Variants in MGAT4C observed in about 807,000 individuals in gnomAD.
The protein encoded by MGAT4C is alpha-1,3-mannosyl-glycoprotein 4-beta-N-acetylglucosaminyltransferase C.
MGAT4C carries 19 observed loss-of-function variants against 40.1 expected under a neutral mutation model. The ratio of observed to expected loss-of-function variants is 0.47; its 90% CI spans 0.33 to 0.70. The LOEUF is 0.70. Among genes scored for constraint, MGAT4C ranks in the 30% least tolerant of loss-of-function variants. The pLI is 0.02. For synonymous variants in MGAT4C, 181 were observed against 187.1 expected (o/e 0.97, Z 0.27); for missense variants, 491 against 563.2 (o/e 0.87, Z 1.30).
At position 86,802,639 on chromosome 12, in the gene MGAT4C, A is replaced by T. The variant is rs1194893892; in HGVS notation, c.-262+36027T>A. Among the ~76,000 whole-genome samples, 12 of 151,578 alleles carry T rather than the reference A, an allele frequency of 7.9e-5. No individual in the cohort carries two copies. The South Asian group carries it at 2.3e-3, about 29-fold the overall frequency. ...CCAACAACAGACAAACAGAGAGCCA[A>T]ATCATGAGTGAACTCCCATTCACAA... On this transcript the variant is annotated intron_variant, in intron 1 of 7. Transcript: ENST00000548651.
intron 2 of MGAT4C, among the ~76,000 whole-genome samples, chr12:86,481,542 A>G (rs1340823377): frequency 1.3e-5 from 2 of 152,076 alleles, no homozygotes; most frequent in Non-Finnish European, 2.9e-5. Flanking sequence ...GAATCTTCAT[A>G]GCAGTATTAT....
intron 1 of MGAT4C, among the ~76,000 whole-genome samples, chr12:86,155,928 G>A (rs1038051181): frequency 1.3e-5 from 2 of 152,020 alleles, no homozygotes; most frequent in African/African-American, 2.4e-5. Context: ...CACATTTGCT[G>A]TTGCTATTGT....
At chr12:86,013,057 C>T (rs968687663) in intron 2 of MGAT4C, among the ~76,000 whole-genome samples, 2 of 151,934 alleles carry the variant, frequency 1.3e-5, no homozygotes, top group African/African-American at 2.4e-5. Context: ...ATTGCTTGAA[C>T]CCAGGCATTC....
intron 2 of MGAT4C, among the ~76,000 whole-genome samples, chr12:86,695,236 TA>T (rs374899504): frequency 1.3e-5 from 2 of 152,192 alleles, no homozygotes; most frequent in Non-Finnish European, 2.9e-5. Flanking sequence ...TCATCCCGGT[TA>T]AAATGGCTTT....
chr12:86,781,066 A>G (rs746599834), intron 1 of MGAT4C, among the ~76,000 whole-genome samples: 10 of 151,576 alleles, frequency 6.6e-5, no homozygotes, highest in African/African-American at 1.7e-4. Flanking sequence ...TTTTCTTATC[A>G]TCTGTTAATA....
chr12:86,437,010 G>A (rs1957149386), intron 2 of MGAT4C, among the ~76,000 whole-genome samples: 1 of 151,766 alleles, frequency 6.6e-6, no homozygotes, highest in South Asian at 2.1e-4. Context: ...AATTTTCGAT[G>A]TAGAAATGAA....
intron 4 of MGAT4C, among the ~76,000 whole-genome samples, chr12:86,307,567 A>C (rs1953967001): frequency 6.6e-6 from 1 of 150,484 alleles, no homozygotes. Flanking sequence ...TTCAGCAACA[A>C]TTTTATATTA....
intron 1 of MGAT4C, among the ~76,000 whole-genome samples, chr12:86,196,748 G>A (rs1037657954): frequency 6.6e-6 from 1 of 152,194 alleles, no homozygotes; most frequent in African/African-American, 2.4e-5. Flanking sequence ...AGAGATGGCT[G>A]ATTAAATCCA....
chr12:86,550,460 A>G (rs1959294669), intron 2 of MGAT4C, among the ~76,000 whole-genome samples: 2 of 151,954 alleles, frequency 1.3e-5, no homozygotes, highest in Non-Finnish European at 2.9e-5. Flanking sequence ...GACAATCTCC[A>G]CCCTTCATCT....
intron 1 of MGAT4C, among the ~76,000 whole-genome samples, chr12:86,171,148 G>T (rs188585019): frequency 1.3e-5 from 2 of 152,084 alleles, no homozygotes; most frequent in Non-Finnish European, 2.9e-5. Flanking sequence ...GAAGTGGGTG[G>T]ATCACGAGGT....
At chr12:86,483,464 A>C (rs1050776662) in intron 2 of MGAT4C, among the ~76,000 whole-genome samples, 1 of 152,114 alleles carries the variant, frequency 6.6e-6, no homozygotes, top group Non-Finnish European at 1.5e-5. Flanking sequence ...TATTGTTTCT[A>C]TTCTAAATAG....
chr12:86,504,845 C>T (rs903803839), intron 2 of MGAT4C, among the ~76,000 whole-genome samples: 28 of 152,162 alleles, frequency 1.8e-4, no homozygotes, highest in Non-Finnish European at 3.1e-4. Context: ...CATGTTGGTG[C>T]TCAATGTTGG....
At position 85,979,919 on chromosome 12, in the gene MGAT4C, G is replaced by A. The variant is rs267603706; in HGVS notation, c.807C>T (p.Leu269=). The change falls in exon 5 of 5, where the codon CTC becomes CTT. Residue 269 remains leucine, a synonymous_variant. Transcript: ENST00000611864. ...TTAATAAAAAATGGGCCAAACGTGG[G>A]AGATCATGAGAATGATAGAGTTTAC... is the stretch of plus-strand genomic sequence containing the variant. ...YIGKLYHSHD[L]PRLAHFLLMF... 6.2e-7 allele frequency: 1 copy of A among 1,613,640 alleles called. No individual in the cohort carries two copies. The highest frequency in any genetic ancestry group is 1.7e-5 in the Admixed American group (1 of 59,940).
intron 1 of MGAT4C, among the ~76,000 whole-genome samples, chr12:86,764,004 C>G (rs915444791): frequency 3.3e-5 from 5 of 152,186 alleles, no homozygotes; most frequent in African/African-American, 1.2e-4. Context: ...GAGTGCCAGA[C>G]AGTTGGTGCG....
At chr12:86,811,769 C>A (rs1049686688) in intron 1 of MGAT4C, among the ~76,000 whole-genome samples, 3 of 151,226 alleles carry the variant, frequency 2.0e-5, no homozygotes, top group African/African-American at 4.8e-5. Context: ...TTTGAAGAAC[C>A]AGTGTTCATC....
Position 86,831,089 on chromosome 12 carries a change from G to A in MGAT4C, c.-262+7577C>T, listed in dbSNP as rs566174486. Among the ~76,000 whole-genome samples, 8 of 151,474 alleles carry A rather than the reference G, an allele frequency of 5.3e-5. No homozygotes were observed. In the East Asian group the frequency reaches 9.7e-4, roughly 18 times the overall value. On this transcript the variant is annotated intron_variant, in intron 1 of 7. Transcript: ENST00000548651. ...TTCAAGATCCAGCCCACCCCCTGCC[G>A]ACCCCCATTGGAAACCCATGAAGAG...
intron 2 of MGAT4C, among the ~76,000 whole-genome samples, chr12:86,520,336 C>G (rs1322462935): frequency 6.6e-6 from 1 of 152,124 alleles, no homozygotes; most frequent in African/African-American, 2.4e-5. Flanking sequence ...GATTTCTGTT[C>G]TTGCATCTGT....
intron 2 of MGAT4C, among the ~76,000 whole-genome samples, chr12:86,726,059 C>T (rs1276958773): frequency 1.3e-5 from 2 of 152,086 alleles, no homozygotes; most frequent in Non-Finnish European, 2.9e-5. Flanking sequence ...TGGATCGTTT[C>T]CAATTGAAAC....
intron 2 of MGAT4C, among the ~76,000 whole-genome samples, chr12:86,483,145 G>T (rs899503403): frequency 2.0e-5 from 3 of 152,132 alleles, no homozygotes; most frequent in African/African-American, 4.8e-5. Flanking sequence ...TGGCAGAAGG[G>T]GTGAAGGAGC....
Sources: allele counts gnomAD v4.1 joint callset (sites outside exome capture counted in the v4.1 genomes callset), GRCh38; gene constraint gnomAD v4.1.1; transcripts MANE v1.5; gene names NCBI Gene and HGNC (gene_info 2026-07-23, HGNC 2026-07-21).